KIF23: variants seen among roughly 807,000 people sequenced by gnomAD.
KIF23 encodes kinesin-like protein KIF23.
KIF23 carries 30 observed loss-of-function variants against 137.5 expected under a neutral mutation model. The ratio of observed to expected loss-of-function variants is 0.22; its 90% CI spans 0.16 to 0.30. The LOEUF is 0.30. KIF23 is among the 10% of genes least tolerant of loss of function. The probability of loss-of-function intolerance (pLI) is 1.00; values close to 1 mark genes in which losing one functional copy is unlikely to be tolerated. For missense variants in KIF23, 920 were observed against 1,194.3 expected, an observed-to-expected ratio of 0.77 and a Z score of 3.38; for synonymous variants, 367 against 391.1, an observed-to-expected ratio of 0.94 and a Z score of 0.73.
At chr15:69,426,250 A>G in intron 9 of KIF23, 68 bp downstream of exon 9, 1 of 1,598,090 alleles carries the variant, frequency 6.3e-7, no homozygotes, top group Non-Finnish European at 8.5e-7. Flanking sequence ...ACTAAGTTTG[A>G]TGGCAATTTT....
chr15:69,416,396 T>C (rs996964640), intron 2 of KIF23, among the ~76,000 whole-genome samples: 2 of 152,196 alleles, frequency 1.3e-5, no homozygotes, highest in African/African-American at 4.8e-5. Context: ...TGCCATACAG[T>C]AACTGATGGC....
intron 2 of KIF23, among the ~76,000 whole-genome samples, chr15:69,416,650 C>T (rs551212197): frequency 6.6e-6 from 1 of 152,286 alleles, no homozygotes; most frequent in Non-Finnish European, 1.5e-5. Context: ...GCCCCCTCCC[C>T]TGCTTTCAAA....
At chr15:69,417,852 T>TA (rs557742689) in intron 3 of KIF23, among the ~76,000 whole-genome samples, 46 of 152,350 alleles carry the variant, frequency 3.0e-4, no homozygotes, top group South Asian at 2.3e-3. Context: ...AAATAACATT[T>TA]AATAATAGAC....
intron 22 of KIF23, 97 bp from the exon 23 acceptor site, chr15:69,446,774 T>C (rs750627435): frequency 7.6e-5 from 80 of 1,047,682 alleles, no homozygotes; most frequent in Non-Finnish European, 1.2e-4. Flanking sequence ...TAGAAAGCAA[T>C]ATTGCATTTC....
intron 16 of KIF23, among the ~76,000 whole-genome samples, chr15:69,439,084 C>T (rs997430049): frequency 2.5e-4 from 37 of 148,714 alleles, no homozygotes; most frequent in Non-Finnish European, 4.4e-4. Context: ...GGTGACAGAG[C>T]GAGAGCCTGT....
At position 69,438,403 on chromosome 15, in the gene KIF23, A is replaced by G. The variant is rs1187219445; in HGVS notation, c.1753A>G (p.Lys585Glu). The G allele has an allele frequency of 6.2e-7, 1 of 1,603,770 alleles. No homozygotes were observed. Among genetic ancestry groups the G allele is most frequent in the South Asian group, 1.1e-5 (1 of 89,294 alleles). Reference protein sequence around the residue: ...LEKKNKTLEYKIEILEKTTTI... With the variant: ...LEKKNKTLEYEIEILEKTTTI... ...AAAGAAAAACAAAACTTTAGAATAT[A>G]AGGTTTGTTTTGACATTATTATGAT... The change falls in exon 16 of 24, where the codon AAG becomes GAG. Residue 585 changes from lysine to glutamate, a missense_variant and splice_region_variant. Lys to Glu is a moderately conservative substitution (Grantham distance 56). Around this residue, in one of 4 missense-constraint regions of KIF23, gnomAD observed 714 missense variants for 866.2 expected, o/e 0.82. Transcript: ENST00000679126.
chr15:69,435,363 T>G (rs986311671), intron 11 of KIF23, 120 bp from the exon 12 acceptor site: 2 of 732,842 alleles, frequency 2.7e-6, no homozygotes, highest in Non-Finnish European at 4.4e-6. Flanking sequence ...CCACAAAAAT[T>G]TGTTATTTAT....
chr15:69,445,170 C>A (rs967020398), intron 20 of KIF23, 129 bp downstream of exon 20: 27 of 930,874 alleles, frequency 2.9e-5, no homozygotes, highest in African/African-American at 5.0e-5. Context: ...TTGATATAAC[C>A]TTTTTGTTAG....
At chr15:69,439,746 G>A (rs2057568752) in intron 16 of KIF23, among the ~76,000 whole-genome samples, 158 bp from the exon 17 acceptor site, 1 of 152,164 alleles carries the variant, frequency 6.6e-6, no homozygotes, top group South Asian at 2.1e-4. Context: ...TCTGAGAATG[G>A]GGGTGGGAAT....
intron 7 of KIF23, 39 bp downstream of exon 7, chr15:69,423,368 T>G: frequency 7.2e-7 from 1 of 1,396,904 alleles, no homozygotes; most frequent in Non-Finnish European, 9.6e-7. Flanking sequence ...CTGTTAATGT[T>G]GGGGAAGTTA....
At position 69,421,980 on chromosome 15, in the gene KIF23, G is replaced by A; in HGVS notation, c.317-12G>A. ...TCTAAGATATAACTCATTGTGACTT[G>A]CTACACTGTAGGTCTTCTTTTTACA... On this transcript the variant is annotated splice_polypyrimidine_tract_variant and intron_variant, in intron 4 of 23. Transcript: ENST00000679126. The A allele has an allele frequency of 1.2e-6, 2 of 1,612,976 alleles. No homozygotes were observed. Among genetic ancestry groups the A allele is most frequent in the Non-Finnish European group, 1.7e-6 (2 of 1,179,548 alleles).
intron 11 of KIF23, 61 bp downstream of exon 11, chr15:69,429,274 A>C: frequency 9.1e-7 from 1 of 1,100,164 alleles, no homozygotes; most frequent in Non-Finnish European, 1.4e-6. Context: ...ATGCCAGTTT[A>C]TTATCTACTT....
chr15:69,415,956 G>GA (rs762394079), intron 1 of KIF23, 38 bp from the exon 2 acceptor site: 59 of 1,431,846 alleles, frequency 4.1e-5, no homozygotes, highest in South Asian at 8.2e-5. Context: ...GTGTTGAACT[G>GA]AAAAAAAAGT....
chr15:69,445,017 G>T lies in KIF23; in HGVS notation c.2649G>T (p.Gly883=). Residue 883 remains glycine, a synonymous_variant, in exon 20 of 24, where the codon GGG becomes GGT. Transcript: ENST00000679126. ...MLTHQELASD[G]EIETKLIKGD... ...CCCACCAGGAACTAGCCTCCGATGGGGAGATTGAAACTAAACTAATTAAGG... is the reference window on the plus strand; with the variant it reads ...CCCACCAGGAACTAGCCTCCGATGGTGAGATTGAAACTAAACTAATTAAGG... The T allele has an allele frequency of 6.2e-7, 1 of 1,613,172 alleles. No homozygotes were observed. The highest frequency in any genetic ancestry group is 8.5e-7 in the Non-Finnish European group (1 of 1,179,512).
rs759147281 is a variant in KIF23, at chr15:69,416,106, T to C, written c.81+43T>C. Reference sequence around the variant, plus strand: ...ATTTATGTGTGGTGTTTAAGAAACTTATCTCTTCAGTCCTTTCTGTCTTAT... The same window carrying C: ...ATTTATGTGTGGTGTTTAAGAAACTCATCTCTTCAGTCCTTTCTGTCTTAT... On this transcript the variant is annotated intron_variant, in intron 2 of 23. Coordinates refer to ENST00000679126, the MANE Select transcript of KIF23 (RefSeq NM_001367805.3). 3.1e-6 allele frequency: 4 copies of C among 1,296,810 alleles called. No individual in the cohort carries two copies. In the South Asian group the frequency reaches 4.2e-5, roughly 14 times the overall value. The allele number at this position is 1,296,810 out of a possible 1,614,324, so 80.3% of individuals were successfully genotyped here. A position where few individuals can be genotyped will look rare whatever the true frequency, so the allele number is the denominator to read the frequency against.
chr15:69,435,073 C>T (rs561794397), intron 11 of KIF23: 59 of 497,062 alleles, frequency 1.2e-4, no homozygotes, highest in African/African-American at 1.1e-3. Context: ...CGATATTCTT[C>T]CCCCACCCCC....
chr15:69,420,272 AAAG>A (rs1358492808), intron 3 of KIF23, among the ~76,000 whole-genome samples: 4 of 152,130 alleles, frequency 2.6e-5, no homozygotes, highest in East Asian at 1.9e-4. Context: ...TCAAAAAAAA[AAAG>A]AAGAAAACAA....
At chr15:69,416,196 G>T (rs2056902267) in intron 2 of KIF23, 133 bp downstream of exon 2, 1 of 537,502 alleles carries the variant, frequency 1.9e-6, no homozygotes, top group African/African-American at 2.0e-5. Context: ...TTAGTTAAAT[G>T]GATGTACTAC....
chr15:69,447,769 A>G, intron 23 of KIF23, 23 bp from the exon 24 acceptor site: 1 of 1,599,030 alleles, frequency 6.3e-7, no homozygotes, highest in Non-Finnish European at 8.5e-7. Context: ...GTTCAACTCT[A>G]AGTGCTGGTT....
Sources: gnomAD v4.1 joint callset for allele counts (sites outside exome capture counted in the v4.1 genomes callset) on GRCh38, gnomAD v4.1.1 for gene constraint, gnomAD v4.1.1 regional missense constraint, MANE v1.5 for transcripts, NCBI Gene and HGNC (gene_info 2026-07-23, HGNC 2026-07-21) for gene names.